ADGRG4: variants seen among roughly 807,000 people sequenced by gnomAD.
The protein encoded by ADGRG4 is G protein-coupled receptor 112.
In ADGRG4, 122 loss-of-function variants were observed where a neutral mutation model predicts 126.2. The observed-to-expected ratio is 0.97, with a 90% CI of 0.83 to 1.12. The LOEUF (loss-of-function observed/expected upper bound fraction) is 1.12. ADGRG4 is among the 50% of genes most tolerant of loss of function. The pLI, the probability that ADGRG4 is intolerant of heterozygous loss-of-function variation, is 0.00. For missense variants in ADGRG4, 2,481 were observed against 2,251.8 expected, an observed-to-expected ratio of 1.10 and a Z score of -2.06; for synonymous variants, 943 against 838.7, an observed-to-expected ratio of 1.12 and a Z score of -2.15.
At position 136,350,112 on chromosome X, in the gene ADGRG4, A is replaced by G. The variant is rs771549798; in HGVS notation, c.6406A>G (p.Thr2136Ala). 18 of 1,208,649 alleles carry G rather than the reference A, an allele frequency of 1.5e-5. No homozygotes were observed. Among genetic ancestry groups the G allele is most frequent in the Non-Finnish European group, 1.9e-5 (17 of 892,941 alleles). The change falls in exon 6 of 26, where the codon ACT (threonine) becomes GCT (alanine). Residue 2136 changes from threonine to alanine, a missense_variant. Transcript: ENST00000394143. ...CAGAAAGACTATGTCACCTTCTACA[A>G]CTGACCACACTCTATCTGTTGGTGC... ...FSRKTMSPSTTDHTLSVGAMP... is the reference protein window; with the variant it reads ...FSRKTMSPSTADHTLSVGAMP...
At chrX:136,319,736 T>TATCTATC (rs1408417937) in intron 4 of ADGRG4, among the ~76,000 whole-genome samples, 2 of 109,932 alleles carry the variant, frequency 1.8e-5, no homozygotes, top group Admixed American at 9.7e-5. Context: ...TCTATCTATC[T>TATCTATC]ATCTATCTAT....
chrX:136,367,673 T>C (rs1437199995), intron 13 of ADGRG4, among the ~76,000 whole-genome samples: 1 of 112,233 alleles, frequency 8.9e-6, no homozygotes, highest in Non-Finnish European at 1.9e-5. Context: ...GAAGAATCCT[T>C]CTATTCTACT....
chrX:136,308,134 T>G (rs1269166060), intron 3 of ADGRG4, among the ~76,000 whole-genome samples: 2 of 112,978 alleles, frequency 1.8e-5, no homozygotes, highest in Non-Finnish European at 3.7e-5. Context: ...GACAGAGTTT[T>G]CACTTGTTGC....
chrX:136,366,971 A>G (rs1187074022), intron 13 of ADGRG4, among the ~76,000 whole-genome samples: 1 of 111,045 alleles, frequency 9.0e-6, no homozygotes, highest in East Asian at 2.8e-4. Flanking sequence ...AACCTTCATG[A>G]ATGAGATTAG....
Position 136,351,494 on chromosome X carries a change from C to T in ADGRG4, c.6775C>T (p.Pro2259Ser). The T allele has an allele frequency of 8.6e-7, 1 of 1,165,528 alleles. No individual in the cohort carries two copies. The highest frequency in any genetic ancestry group is 1.2e-6 in the Non-Finnish European group (1 of 866,679). Residue 2259 changes from proline to serine, a missense_variant, in exon 7 of 26, where the codon CCA (proline) becomes TCA (serine). Coordinates refer to ENST00000394143, the MANE Select transcript of ADGRG4 (RefSeq NM_153834.4). ...GAGCTTCTCTGTCTTTGTTGAAGAG[C>T]CAAGGATCCCTATTACCAGTGTTAT... ...EMSFSVFVEE[P>S]RIPITSVINE... is the part of the protein sequence containing the mutation.
In ADGRG4 at chrX:136,344,970, TC is replaced by T; in HGVS notation, c.1266del (p.Thr423GlnfsTer58). ...TACAACACCTTGTCTCAAACAAAAA[TC>T]CACAAATACTGGGGCACTCCCTATC... ...MSTTPCLKQK[S>X]TNTGALPIST... is the part of the protein sequence containing the mutation. On this transcript the variant is annotated frameshift_variant, in exon 6 of 26. Coordinates refer to ENST00000394143, the MANE Select transcript of ADGRG4 (RefSeq NM_153834.4). LOFTEE classifies it high-confidence loss of function. 1 of 1,211,015 alleles carries T rather than the reference TC, an allele frequency of 8.3e-7. No individual in the cohort carries two copies. The highest frequency in any genetic ancestry group is 1.7e-5 in the African/African-American group (1 of 57,791).
chrX:136,328,815 A>C (rs1603292624), intron 5 of ADGRG4, among the ~76,000 whole-genome samples: 1 of 111,796 alleles, frequency 8.9e-6, no homozygotes, highest in South Asian at 3.8e-4. Context: ...ACTAGCTAAA[A>C]GACAATTTGG....
At chrX:136,395,308 G>A (rs1310376055) in intron 18 of ADGRG4, 82 bp from the exon 19 acceptor site, 5 of 538,835 alleles carry the variant, frequency 9.3e-6, no homozygotes, top group South Asian at 3.4e-5. Flanking sequence ...TATAACACAC[G>A]TTTGGATAGT....
chrX:136,344,200 C>T (rs1196103347), intron 5 of ADGRG4, among the ~76,000 whole-genome samples, 192 bp from the exon 6 acceptor site: 1 of 111,162 alleles, frequency 9.0e-6, no homozygotes, highest in Non-Finnish European at 1.9e-5. Flanking sequence ...GTTACTTAAC[C>T]AGAGTGTTAT....
intron 23 of ADGRG4, among the ~76,000 whole-genome samples, chrX:136,408,058 G>A (rs1311594896): frequency 8.9e-6 from 1 of 111,841 alleles, no homozygotes; most frequent in Non-Finnish European, 1.9e-5. Context: ...TGGAAAGAGG[G>A]GTTAAAGGAA....
Position 136,350,451 on chromosome X carries a change from A to G in ADGRG4, c.6727+18A>G. ...GTCCACAGGTACTGCTCCATAATGC[A>G]TGTGGTGTAGCCCCAACAGAATTCA... On this transcript the variant is annotated intron_variant, in intron 6 of 25. Coordinates refer to ENST00000394143, the MANE Select transcript of ADGRG4 (RefSeq NM_153834.4). 3.4e-6 allele frequency: 4 copies of G among 1,186,218 alleles called. No individual in the cohort carries two copies. The African/African-American group carries it at 5.2e-5, about 16-fold the overall frequency.
At position 136,349,256 on chromosome X, in the gene ADGRG4, A is replaced by G. The variant is rs765491146; in HGVS notation, c.5550A>G (p.Pro1850=). 1.2e-5 allele frequency: 14 copies of G among 1,200,343 alleles called. No homozygotes were observed. In the South Asian group the frequency reaches 1.6e-4, roughly 14 times the overall value. The stretch of plus-strand genomic sequence containing the variant: ...GTACTGAAGCTGAGATCTCTACTCC[A>G]AAGACCTCTCCTCCTCCCACATCCC... ...PHSTEAEIST[P]KTSPPPTSQM... is the part of the protein sequence containing the mutation. The change falls in exon 6 of 26, where the codon CCA becomes CCG. Residue 1850 remains proline, a synonymous_variant. Transcript: ENST00000394143.
Position 136,399,856 on chromosome X carries a change from G to T in ADGRG4, c.8315G>T (p.Arg2772Leu), listed in dbSNP as rs781632638. 1.7e-6 allele frequency: 2 copies of T among 1,193,751 alleles called. No individual in the cohort carries two copies. The highest frequency in any genetic ancestry group is 3.0e-5 in the East Asian group (1 of 33,439). ...TGTACTTTCTCTTTTAGCAAACTTC[G>T]AAAAGATTATCCTGCCAAAATTCTG... ...VVTYIAFHKL[R>L]KDYPAKILIN... is the part of the protein sequence containing the mutation. Residue 2772 changes from arginine (R) to leucine (L), a missense_variant, in exon 21 of 26, where the codon CGA (arginine) becomes CTA (leucine). By Grantham distance (102) the Arg-to-Leu change is moderately radical. Coordinates refer to ENST00000394143, the MANE Select transcript of ADGRG4 (RefSeq NM_153834.4).
intron 21 of ADGRG4, among the ~76,000 whole-genome samples, chrX:136,401,292 T>G (rs1336851584): frequency 8.9e-6 from 1 of 111,746 alleles, no homozygotes; most frequent in Non-Finnish European, 1.9e-5. Context: ...TGGAAGAGGC[T>G]TCATGAATAA....
chrX:136,375,064 T>TC (rs1452402860), intron 15 of ADGRG4, among the ~76,000 whole-genome samples: 2 of 110,507 alleles, frequency 1.8e-5, no homozygotes, highest in Non-Finnish European at 3.8e-5. Flanking sequence ...GTCCCCAAAG[T>TC]CCATTACATC....
chrX:136,398,519 T>C (rs1208674956), intron 20 of ADGRG4, among the ~76,000 whole-genome samples: 1 of 112,022 alleles, frequency 8.9e-6, no homozygotes, highest in Non-Finnish European at 1.9e-5. Flanking sequence ...AATAAGCATA[T>C]GACAAAGTTC....
intron 9 of ADGRG4, among the ~76,000 whole-genome samples, chrX:136,357,441 G>A (rs1371933819): frequency 8.9e-6 from 1 of 112,219 alleles, no homozygotes; most frequent in African/African-American, 3.2e-5. Flanking sequence ...CTTGTCAACT[G>A]TGTGATACTG....
chrX:136,316,948 G>A (rs924051208), intron 4 of ADGRG4, among the ~76,000 whole-genome samples: 2 of 111,009 alleles, frequency 1.8e-5, no homozygotes, highest in Non-Finnish European at 3.8e-5. Context: ...CTTTGCACAA[G>A]GGACAGCACT....
At chrX:136,333,506 T>C (rs1264568497) in intron 5 of ADGRG4, among the ~76,000 whole-genome samples, 3 of 111,662 alleles carry the variant, frequency 2.7e-5, no homozygotes, top group African/African-American at 9.8e-5. Context: ...CTTTTTGTAT[T>C]TATTTGTTTA....
Sources: gnomAD v4.1 joint callset for allele counts (sites outside exome capture counted in the v4.1 genomes callset) on GRCh38, gnomAD v4.1.1 for gene constraint, MANE v1.5 for transcripts, NCBI Gene and HGNC (gene_info 2026-07-23, HGNC 2026-07-21) for gene names.